FXR2: variants seen among roughly 807,000 people sequenced by gnomAD.
The protein encoded by FXR2 is RNA-binding protein FXR2.
Under a neutral mutation model 87.3 loss-of-function variants are expected in FXR2, and 9 were observed. That is an observed-to-expected ratio of 0.10 (90% confidence interval 0.06 to 0.18). The LOEUF is 0.18. Ranked by LOEUF, FXR2 falls within the 10% of genes least tolerant of loss-of-function variation. The pLI is 1.00. For missense variants in FXR2, 661 were observed against 893.6 expected (o/e 0.74, Z 3.32); for synonymous variants, 331 against 328.3 (o/e 1.01, Z -0.09).
chr17:7,614,004 G>C (rs2071905030), intron 1 of FXR2: 1 of 456,470 alleles, frequency 2.2e-6, no homozygotes, highest in South Asian at 1.6e-5. Flanking sequence ...CTCTGAGGAA[G>C]ATGAAAGGAT....
chr17:7,597,463 T>C (rs1451650732), intron 7 of FXR2, among the ~76,000 whole-genome samples: 4 of 151,924 alleles, frequency 2.6e-5, no homozygotes, highest in East Asian at 1.9e-4. Context: ...CTAGATAAGC[T>C]TGCAGAACAG....
chr17:7,596,877 T>C (rs1368645278), intron 7 of FXR2, among the ~76,000 whole-genome samples: 1 of 151,684 alleles, frequency 6.6e-6, no homozygotes, highest in Non-Finnish European at 1.5e-5. Context: ...CTGAGGCAGG[T>C]GGATCACAAG....
intron 1 of FXR2, among the ~76,000 whole-genome samples, chr17:7,610,831 G>A (rs529679299): frequency 4.6e-5 from 7 of 152,322 alleles, no homozygotes; most frequent in African/African-American, 1.7e-4. Context: ...GCATCACCTG[G>A]CTTTGGCTTC....
chr17:7,599,118 CAG>C (rs1476428677), intron 7 of FXR2, among the ~76,000 whole-genome samples: 2 of 144,806 alleles, frequency 1.4e-5, no homozygotes, highest in African/African-American at 5.1e-5. Context: ...GCCTGGGTGA[CAG>C]AGGGAAACTG....
At chr17:7,599,325 A>C (rs2071734290) in intron 7 of FXR2, among the ~76,000 whole-genome samples, 1 of 152,026 alleles carries the variant, frequency 6.6e-6, no homozygotes, top group Admixed American at 6.6e-5. Flanking sequence ...AAAAACAAAA[A>C]ATAAAGTTTG....
intron 1 of FXR2, among the ~76,000 whole-genome samples, chr17:7,607,996 C>T (rs1202366358): frequency 6.6e-6 from 1 of 151,512 alleles, no homozygotes; most frequent in Admixed American, 6.6e-5. Context: ...TCTCCATGTT[C>T]GTCAGACTGG....
At position 7,614,443 on chromosome 17, in the gene FXR2, C is replaced by T. The variant is rs1394466863; in HGVS notation, c.81+9G>A. 2 of 1,530,462 alleles carry T rather than the reference C, an allele frequency of 1.3e-6. No individual in the cohort carries two copies. Among genetic ancestry groups the T allele is most frequent in the South Asian group, 1.2e-5 (1 of 82,864 alleles). 94.8% of individuals were successfully genotyped at this position (1,530,462 alleles called of 1,614,324 possible). ...AGGACCGGCGTCCCCAGTCGGCGCGCCGTCTCACCTTGTAGAAGGCCCCGT... is the reference window on the plus strand; with the variant it reads ...AGGACCGGCGTCCCCAGTCGGCGCGTCGTCTCACCTTGTAGAAGGCCCCGT... On this transcript the variant is annotated intron_variant, in intron 1 of 16. Transcript: ENST00000250113.
rs1283348919 is a variant in FXR2 at position 7,593,496 on chromosome 17, C to T, written c.1237G>A (p.Glu413Lys). The T allele has an allele frequency of 6.3e-7, 1 of 1,587,568 alleles. No homozygotes were observed. The highest frequency in any genetic ancestry group is 8.6e-7 in the Non-Finnish European group (1 of 1,168,490). The change falls in exon 12 of 17, where the codon GAG becomes AAG. Residue 413 changes from glutamate to lysine, a missense_variant. This residue lies in a region of FXR2 where 409 missense variants were observed against 432.0 expected (regional missense o/e 0.95). Coordinates refer to ENST00000250113, the MANE Select transcript of FXR2 (RefSeq NM_004860.4). This position sits in a 1 kb window ranked among gnomAD's most constrained non-coding sequence, Gnocchi z 6.1. ...GCATGGAGGGAGGAGGAGGAGCTCT[C>T]ATCAGTGCTATATCCAGCCTTGTCG... ...GSDKAGYSTD[E>K]SSSSSLHATR...
At chr17:7,610,063 CA>C in intron 1 of FXR2, among the ~76,000 whole-genome samples, 1 of 141,100 alleles carries the variant, frequency 7.1e-6, no homozygotes, top group Admixed American at 7.2e-5. Context: ...CACACACACA[CA>C]CATATATATA....
In FXR2 at chr17:7,614,527, G is replaced by C. The variant is rs2071923152; in HGVS notation, c.6C>G (p.Gly2=). The C allele has an allele frequency of 1.3e-6, 2 of 1,484,798 alleles. No homozygotes were observed. Among genetic ancestry groups the C allele is most frequent in the East Asian group, 5.7e-5 (2 of 35,218 alleles). 92.0% of individuals were successfully genotyped at this position (1,484,798 alleles called of 1,614,324 possible). ...CCACATCCCCCCCAGAGGCCAGGCCGCCCATGGCGCCGCCACCGCCTCCGA... is the reference window on the plus strand; with the variant it reads ...CCACATCCCCCCCAGAGGCCAGGCCCCCCATGGCGCCGCCACCGCCTCCGA... M[G]GLASGGDVEP... The change falls in exon 1 of 17, where the codon GGC becomes GGG. Residue 2 remains glycine (G), a synonymous_variant. Coordinates refer to ENST00000250113, the MANE Select transcript of FXR2 (RefSeq NM_004860.4).
intron 7 of FXR2, among the ~76,000 whole-genome samples, chr17:7,599,008 G>T (rs950688819): frequency 6.6e-6 from 1 of 152,182 alleles, no homozygotes; most frequent in South Asian, 2.1e-4. Flanking sequence ...GTGGGGGCGC[G>T]TGCCTATTAT....
intron 6 of FXR2, 129 bp from the exon 7 acceptor site, chr17:7,601,654 C>T (rs2071756727): frequency 1.4e-5 from 9 of 625,800 alleles, no homozygotes; most frequent in Middle Eastern, 4.6e-4. Context: ...GGAGACCGGG[C>T]GCGGTGGCTC....
At chr17:7,613,086 C>T (rs1413271349) in intron 1 of FXR2, among the ~76,000 whole-genome samples, 2 of 151,490 alleles carry the variant, frequency 1.3e-5, no homozygotes, top group East Asian at 3.9e-4. Context: ...TTACAAGACC[C>T]TCTGCAGTTA....
In FXR2 at chr17:7,592,805, G is replaced by C. The variant is rs779592847; in HGVS notation, c.1618C>G (p.Pro540Ala). The stretch of plus-strand genomic sequence containing the variant: ...GAGCGGCGGCGCCTGGCACTTGCTG[G>C]GGGGGGTTCCCCAGGTTCTGAATCA... ...PVDSEPGEPPPASARRRRSRR... is the reference protein window; with the variant it reads ...PVDSEPGEPPAASARRRRSRR... The change falls in exon 14 of 17, where the codon CCA becomes GCA. Residue 540 changes from proline to alanine, a missense_variant. This residue lies in a region of FXR2 where 409 missense variants were observed against 432.0 expected (regional missense o/e 0.95). Transcript: ENST00000250113. The surrounding 1 kb of genome is among the most constrained non-coding windows in gnomAD (Gnocchi z 4.8). 5.0e-6 allele frequency: 8 copies of C among 1,613,466 alleles called. No individual in the cohort carries two copies. The Admixed American group carries it at 6.7e-5, about 13-fold the overall frequency.
intron 1 of FXR2, among the ~76,000 whole-genome samples, chr17:7,610,047 TACAC>T (rs35635534): frequency 0.096 from 13,038 of 136,218 alleles, 954 homozygotes; most frequent in Middle Eastern, 0.24. Flanking sequence ...TGTATATATA[TACAC>T]ACACACACAC....
intron 1 of FXR2, chr17:7,613,980 G>A (rs1210399488): frequency 2.2e-6 from 1 of 453,140 alleles, no homozygotes. Context: ...TCCAGAGCCA[G>A]TAGGCAGAGG....
intron 6 of FXR2, among the ~76,000 whole-genome samples, chr17:7,602,145 C>A (rs921218726): frequency 3.3e-5 from 5 of 151,470 alleles, no homozygotes; most frequent in Non-Finnish European, 7.4e-5. Context: ...GGTCAGAGGC[C>A]GGGCGTGGTG....
At chr17:7,598,186 C>T (rs1400069737) in intron 7 of FXR2, among the ~76,000 whole-genome samples, 1 of 152,142 alleles carries the variant, frequency 6.6e-6, no homozygotes, top group Admixed American at 6.6e-5. Flanking sequence ...CACAGTGGCT[C>T]TCGCCTGTAA....
Position 7,592,356 on chromosome 17 carries a change from TG to T in FXR2, c.1826-3del. On this transcript the variant is annotated splice_polypyrimidine_tract_variant and splice_region_variant and intron_variant, in intron 15 of 16. Transcript: ENST00000250113. The surrounding 1 kb of genome is among the most constrained non-coding windows in gnomAD (Gnocchi z 4.8). ...GTGAGATATAGTCAGCCACAGTCAC[TG>T]GGGAAGGCAGGAGATTAAGACTTTC... 1 of 1,608,610 alleles carries T rather than the reference TG, an allele frequency of 6.2e-7. No individual in the cohort carries two copies. The highest frequency in any genetic ancestry group is 8.5e-7 in the Non-Finnish European group (1 of 1,175,000).
Sources: allele counts gnomAD v4.1 joint callset (sites outside exome capture counted in the v4.1 genomes callset), GRCh38; gene constraint gnomAD v4.1.1; regional missense constraint gnomAD v4.1.1; non-coding constraint Gnocchi (gnomAD v3.1); transcripts MANE v1.5; gene names NCBI Gene and HGNC (gene_info 2026-07-23, HGNC 2026-07-21).